The following MEA1 variants were observed in gnomAD, a reference collection of about 807,000 sequenced individuals.
MEA1 encodes the protein male-enhanced antigen 1.
MEA1 carries 22 observed loss-of-function variants against 21.4 expected under a neutral mutation model. The ratio of observed to expected loss-of-function variants is 1.03; its 90% CI spans 0.73 to 1.47. The LOEUF (loss-of-function observed/expected upper bound fraction) is 1.47, where lower values mean the gene tolerates loss of function less well. Ranked by LOEUF, MEA1 falls within the 40% of genes most tolerant of loss-of-function variation. The pLI is 0.00. For missense variants in MEA1, 233 were observed against 230.5 expected, an observed-to-expected ratio of 1.01 and a Z score of -0.07; for synonymous variants, 91 against 85.5, an observed-to-expected ratio of 1.06 and a Z score of -0.35.
At chr6:43,013,068 G>A in intron 2 of MEA1, 40 bp from the exon 3 acceptor site, 4 of 1,614,100 alleles carry the variant, frequency 2.5e-6, no homozygotes, top group Non-Finnish European at 3.4e-6. Flanking sequence ...TAGGCTTTCA[G>A]GGAGCCCAGC....
chr6:43,012,859 C>G (rs1762419099), intron 3 of MEA1, 67 bp downstream of exon 3: 1 of 1,463,926 alleles, frequency 6.8e-7, no homozygotes, highest in Admixed American at 1.7e-5. Flanking sequence ...TCTGAAACTT[C>G]CTTCTACTGA....
Position 43,012,119 on chromosome 6 carries a change from T to G in MEA1, c.*351A>C. On this transcript the variant is annotated 3_prime_UTR_variant, in exon 4 of 4. Transcript: ENST00000244711. ...TCCTGCCAACACCTATTTATTTCCTTGTTTGTGCTATGCTGGGCAGGCCTT... is the reference window on the plus strand; with the variant it reads ...TCCTGCCAACACCTATTTATTTCCTGGTTTGTGCTATGCTGGGCAGGCCTT... 10 of 777,678 alleles carry G rather than the reference T, an allele frequency of 1.3e-5. No individual in the cohort carries two copies. The highest frequency in any genetic ancestry group is 5.9e-5 in the South Asian group (1 of 16,958). 48.2% of individuals were successfully genotyped at this position (777,678 alleles called of 1,614,324 possible).
chr6:43,014,642 G>C (rs114102219), upstream of MEA1: 1,249 of 456,570 alleles, frequency 2.7e-3, 10 homozygotes, highest in African/African-American at 0.021. Flanking sequence ...TGTCTGGCGT[G>C]GTGGGCTAGG....
upstream of MEA1, chr6:43,014,191 T>A: frequency 7.2e-7 from 1 of 1,380,550 alleles, no homozygotes; most frequent in Admixed American, 2.9e-5. Context: ...CCTCCGGCAC[T>A]TAGCTACGAC....
chr6:43,013,758 C>G (rs1231670674), intron 1 of MEA1, 28 bp downstream of exon 1: 3 of 1,563,366 alleles, frequency 1.9e-6, no homozygotes, highest in Admixed American at 3.4e-5. Flanking sequence ...GCCCCCTTCT[C>G]CCCTCTCCTA....
chr6:43,013,940 T>C lies in MEA1; in HGVS notation c.-127A>G, dbSNP rs752964573. On this transcript the variant is annotated 5_prime_UTR_variant, in exon 1 of 4. Transcript: ENST00000244711. Reference sequence around the variant, plus strand: ...CCTCCACTTCCGGCGGGGCAGGACGTGCAGAGGTGCCTAGTCCTCCAGCCC... The same window carrying C: ...CCTCCACTTCCGGCGGGGCAGGACGCGCAGAGGTGCCTAGTCCTCCAGCCC... 2.1e-6 allele frequency: 3 copies of C among 1,462,838 alleles called. No homozygotes were observed. Among genetic ancestry groups the C allele is most frequent in the Non-Finnish European group, 1.8e-6 (2 of 1,106,778 alleles). The allele number at this position is 1,462,838 out of a possible 1,614,324, so 90.6% of individuals were successfully genotyped here. A position where few individuals can be genotyped will look rare whatever the true frequency, so the allele number is the denominator to read the frequency against.
At chr6:43,013,624 C>T in intron 1 of MEA1, 162 bp downstream of exon 1, 1 of 861,140 alleles carries the variant, frequency 1.2e-6, no homozygotes, top group Non-Finnish European at 1.8e-6. Flanking sequence ...GTTAAACGCC[C>T]AACCGGAGGC....
chr6:43,014,137 C>A, upstream of MEA1: 2 of 1,415,674 alleles, frequency 1.4e-6, no homozygotes, highest in Non-Finnish European at 1.8e-6. Flanking sequence ...ACTCCTCAGC[C>A]CTCTCGTCCC....
upstream of MEA1, chr6:43,016,706 G>T (rs886454876): frequency 1.8e-5 from 3 of 163,150 alleles, no homozygotes; most frequent in Non-Finnish European, 4.1e-5. Flanking sequence ...ATTAATAGCT[G>T]TGAGTATTTT....
At chr6:43,012,742 T>C in intron 3 of MEA1, 121 bp from the exon 4 acceptor site, 1 of 1,322,842 alleles carries the variant, frequency 7.6e-7, no homozygotes, top group Non-Finnish European at 1.0e-6. Flanking sequence ...CTTGTTACTT[T>C]AAGGCAAGCC....
At chr6:43,013,993 G>T, upstream of MEA1, 2 of 1,427,052 alleles carry the variant, frequency 1.4e-6, no homozygotes, top group Non-Finnish European at 1.8e-6. Flanking sequence ...TGACGCTGGC[G>T]AGGACGAGGA....
Position 43,011,438 on chromosome 6 carries a change from C to T in MEA1, c.*1032G>A. ...GGGATGTGGGCACTTGAAGCAGGGA[C>T]ACCCACAGAATGGTCCCTCTTCTCC... On this transcript the variant is annotated 3_prime_UTR_variant, in exon 4 of 4. Coordinates refer to ENST00000244711, the MANE Select transcript of MEA1 (RefSeq NM_014623.4). 9.4e-7 allele frequency: 1 copy of T among 1,059,596 alleles called. No homozygotes were observed. The highest frequency in any genetic ancestry group is 1.3e-6 in the Non-Finnish European group (1 of 745,302). 65.6% of individuals were successfully genotyped at this position (1,059,596 alleles called of 1,614,324 possible).
At position 43,013,790 on chromosome 6, in the gene MEA1, T is replaced by C. The variant is rs1285531574; in HGVS notation, c.24A>G (p.Ser8=). Residue 8 remains serine (S), a synonymous_variant, in exon 1 of 4, where the codon TCA becomes TCG. Transcript: ENST00000244711. The part of the protein sequence containing the change: MGPERHL[S]GAPARMATVV... ...CCTAGAGGACCCCCTCTGTACCGCCTGACAGATGCCTTTCAGGCCCCATGG... is the reference window on the plus strand; with the variant it reads ...CCTAGAGGACCCCCTCTGTACCGCCCGACAGATGCCTTTCAGGCCCCATGG... The C allele has an allele frequency of 6.5e-7, 1 of 1,543,610 alleles. No homozygotes were observed. Among genetic ancestry groups the C allele is most frequent in the South Asian group, 1.1e-5 (1 of 88,894 alleles).
rs1441008536 is a variant in MEA1, at chr6:43,011,899, G to A, written c.*571C>T. 1 of 156,154 alleles carries A rather than the reference G, an allele frequency of 6.4e-6. No homozygotes were observed. The highest frequency in any genetic ancestry group is 1.4e-5 in the Non-Finnish European group (1 of 70,418). 9.7% of individuals were successfully genotyped at this position (156,154 alleles called of 1,614,324 possible). On this transcript the variant is annotated 3_prime_UTR_variant, in exon 4 of 4. Coordinates refer to ENST00000244711, the MANE Select transcript of MEA1 (RefSeq NM_014623.4). Reference sequence around the variant, plus strand: ...GTATAGGCTGTGGACAATAACTGATGAATATAGGGCCCAGATGGACCAAGT... The same window carrying A: ...GTATAGGCTGTGGACAATAACTGATAAATATAGGGCCCAGATGGACCAAGT...
At position 43,012,968 on chromosome 6, in the gene MEA1, C is replaced by T. The variant is rs758693860; in HGVS notation, c.364G>A (p.Ala122Thr). The change falls in exon 3 of 4, where the codon GCT (alanine) becomes ACT (threonine). Residue 122 changes from alanine to threonine, a missense_variant. Ala to Thr is a moderately conservative substitution (Grantham distance 58, BLOSUM62 0). Coordinates refer to ENST00000244711, the MANE Select transcript of MEA1 (RefSeq NM_014623.4). ...LESEDEDEEG[A>T]TALNNHSSIP... The stretch of plus-strand genomic sequence containing the variant: ...GAGCTGTGGTTGTTCAACGCTGTAG[C>T]TCCCTCCTCATCTTCATCTTCACTC... The T allele has an allele frequency of 1.2e-6, 2 of 1,614,160 alleles. No individual in the cohort carries two copies. Among genetic ancestry groups the T allele is most frequent in the South Asian group, 1.1e-5 (1 of 91,082 alleles).
chr6:43,013,693 C>G, intron 1 of MEA1, 93 bp downstream of exon 1: 1 of 1,345,874 alleles, frequency 7.4e-7, no homozygotes. Flanking sequence ...CCACGCCTCC[C>G]CCGCGACTTG....
At position 43,012,919 on chromosome 6, in the gene MEA1, CT is replaced by C; in HGVS notation, c.406+6del. On this transcript the variant is annotated splice_donor_region_variant and intron_variant, in intron 3 of 3. Transcript: ENST00000244711. ...AATTATTCCAGAATGAAAGAATGAT[CT>C]TTTACCTGGGTCCATGGGAATAGAG... is the stretch of plus-strand genomic sequence containing the variant. 6.2e-7 allele frequency: 1 copy of C among 1,611,818 alleles called. No individual in the cohort carries two copies. The highest frequency in any genetic ancestry group is 8.5e-7 in the Non-Finnish European group (1 of 1,177,874).
In MEA1 at chr6:43,011,287, C is replaced by T; in HGVS notation, c.*1183G>A. On this transcript the variant is annotated 3_prime_UTR_variant, in exon 4 of 4. Coordinates refer to ENST00000244711, the MANE Select transcript of MEA1 (RefSeq NM_014623.4). Reference sequence around the variant, plus strand: ...AACTGCCAGCCAGGAGGCTCTCTGACCCCTCACGTTCCTACCACAGGGCCA... The same window carrying T: ...AACTGCCAGCCAGGAGGCTCTCTGATCCCTCACGTTCCTACCACAGGGCCA... 1.2e-6 allele frequency: 2 copies of T among 1,613,774 alleles called. No homozygotes were observed. The highest frequency in any genetic ancestry group is 1.1e-5 in the South Asian group (1 of 91,064).
chr6:43,015,852 TAA>T (rs561042959), upstream of MEA1, among the ~76,000 whole-genome samples: 37 of 100,552 alleles, frequency 3.7e-4, 1 homozygote, highest in East Asian at 9.9e-4. Context: ...AGACTTCATC[TAA>T]AAAAAAAAAA....
Sources: gnomAD v4.1 joint callset for allele counts (sites outside exome capture counted in the v4.1 genomes callset) on GRCh38, gnomAD v4.1.1 for gene constraint, MANE v1.5 for transcripts, NCBI Gene and HGNC (gene_info 2026-07-23, HGNC 2026-07-21) for gene names.